SUPT3H: variants seen among roughly 807,000 people sequenced by gnomAD.
The protein encoded by SUPT3H is transcription initiation protein SPT3 homolog.
Under a neutral mutation model 44.3 loss-of-function variants are expected in SUPT3H, and 44 were observed. That is an observed-to-expected ratio of 0.99 (90% confidence interval 0.78 to 1.28). The LOEUF (loss-of-function observed/expected upper bound fraction) is 1.28. SUPT3H is among the 50% of genes most tolerant of loss of function. The pLI, the probability that SUPT3H is intolerant of heterozygous loss-of-function variation, is 0.00. For synonymous variants in SUPT3H, 124 were observed against 125.6 expected (o/e 0.99, Z 0.09); for missense variants, 380 against 387.1 (o/e 0.98, Z 0.15).
chr6:45,028,778 T>A (rs994780123), intron 3 of SUPT3H, among the ~76,000 whole-genome samples: 1 of 151,532 alleles, frequency 6.6e-6, no homozygotes, highest in Non-Finnish European at 1.5e-5. Context: ...GATTTCTTAT[T>A]CAGAATAGAG....
intron 2 of SUPT3H, among the ~76,000 whole-genome samples, chr6:45,148,869 G>T (rs1215366146): frequency 6.6e-6 from 1 of 152,072 alleles, no homozygotes; most frequent in African/African-American, 2.4e-5. Flanking sequence ...ATTCTGAAAT[G>T]CATGCTGACT....
At chr6:45,203,023 A>G (rs1002320275) in intron 2 of SUPT3H, among the ~76,000 whole-genome samples, 5 of 152,174 alleles carry the variant, frequency 3.3e-5, no homozygotes, top group Non-Finnish European at 7.4e-5. Flanking sequence ...GGTAAAGATA[A>G]CATAATCAAG....
At chr6:44,864,707 C>T (rs999579237) in intron 10 of SUPT3H, among the ~76,000 whole-genome samples, 31 of 152,180 alleles carry the variant, frequency 2.0e-4, no homozygotes, top group Admixed American at 1.5e-3. Flanking sequence ...GGCACCAAGT[C>T]CCTAGGCTGC....
At chr6:45,145,303 C>T (rs1033855301) in intron 2 of SUPT3H, among the ~76,000 whole-genome samples, 3 of 152,078 alleles carry the variant, frequency 2.0e-5, no homozygotes, top group African/African-American at 7.2e-5. Context: ...CAACATGGTA[C>T]TGCTATAAAA....
At chr6:45,355,417 AT>A (rs35113845) in intron 2 of SUPT3H, among the ~76,000 whole-genome samples, 22,807 of 152,064 alleles carry the variant, frequency 0.15, 1,955 homozygotes, top group East Asian at 0.26. Flanking sequence ...AAATGTTGAT[AT>A]AACAGTTCCC....
chr6:44,863,956 C>T (rs1454056335), intron 10 of SUPT3H, among the ~76,000 whole-genome samples: 2 of 151,924 alleles, frequency 1.3e-5, no homozygotes, highest in Non-Finnish European at 2.9e-5. Context: ...AATTATCTCC[C>T]ACCGAGTCCC....
At chr6:45,228,859 C>T (rs866794070) in intron 2 of SUPT3H, among the ~76,000 whole-genome samples, 33 of 151,974 alleles carry the variant, frequency 2.2e-4, no homozygotes, top group African/African-American at 5.6e-4. Flanking sequence ...AGGCTGGTCT[C>T]GAACTCCTGA....
intron 3 of SUPT3H, among the ~76,000 whole-genome samples, chr6:45,028,822 C>A (rs565531215): frequency 7.4e-6 from 1 of 134,520 alleles, no homozygotes; most frequent in African/African-American, 2.8e-5. Flanking sequence ...CCTTACATTG[C>A]ATAGAAAAGT....
chr6:44,853,054 TAA>T (rs1773148230), intron 10 of SUPT3H, among the ~76,000 whole-genome samples: 1 of 152,366 alleles, frequency 6.6e-6, no homozygotes, highest in African/African-American at 2.4e-5. Context: ...CTCTAGAGAT[TAA>T]AGAGAAATAA....
chr6:45,282,552 A>G (rs1372800868), intron 2 of SUPT3H, among the ~76,000 whole-genome samples: 1 of 152,206 alleles, frequency 6.6e-6, no homozygotes, highest in Non-Finnish European at 1.5e-5. Flanking sequence ...ATAAAAAGAA[A>G]CAAACAAAGC....
chr6:44,859,712 A>G (rs1473392190), intron 10 of SUPT3H, among the ~76,000 whole-genome samples: 1 of 152,242 alleles, frequency 6.6e-6, no homozygotes, highest in African/African-American at 2.4e-5. Flanking sequence ...GTGAAAAATC[A>G]TAACATTGAA....
chr6:44,903,592 T>C (rs1290380952), intron 10 of SUPT3H, among the ~76,000 whole-genome samples: 3 of 152,208 alleles, frequency 2.0e-5, no homozygotes, highest in African/African-American at 7.2e-5. Context: ...AGCCGAATTC[T>C]ACCAGAGGTA....
intron 2 of SUPT3H, among the ~76,000 whole-genome samples, chr6:45,181,418 T>C (rs1327169945): frequency 1.3e-5 from 2 of 151,990 alleles, no homozygotes; most frequent in African/African-American, 4.8e-5. Flanking sequence ...CATGCACACA[T>C]ATGTTTATTG....
intron 2 of SUPT3H, among the ~76,000 whole-genome samples, chr6:45,175,670 C>A (rs990397208): frequency 6.6e-6 from 1 of 151,780 alleles, no homozygotes; most frequent in Non-Finnish European, 1.5e-5. Context: ...TACATGAATA[C>A]GATACCATGG....
intron 10 of SUPT3H, among the ~76,000 whole-genome samples, chr6:44,890,006 C>A (rs13201202): frequency 0.38 from 55,661 of 145,602 alleles, 12,115 homozygotes; most frequent in Non-Finnish European, 0.47. Flanking sequence ...ACACATGAAA[C>A]AATGCTCACC....
intron 2 of SUPT3H, among the ~76,000 whole-genome samples, chr6:45,109,968 G>C (rs774493401): frequency 2.4e-4 from 36 of 152,054 alleles, no homozygotes; most frequent in Non-Finnish European, 3.8e-4. Flanking sequence ...GACAATACCA[G>C]TACTGCCTGA....
At chr6:45,267,638 T>C (rs1419361517) in intron 2 of SUPT3H, among the ~76,000 whole-genome samples, 1 of 152,206 alleles carries the variant, frequency 6.6e-6, no homozygotes, top group Non-Finnish European at 1.5e-5. Flanking sequence ...GATTACAATA[T>C]ACACCATCTA....
At chr6:44,850,241 T>C (rs566485128) in intron 10 of SUPT3H, among the ~76,000 whole-genome samples, 38 of 152,310 alleles carry the variant, frequency 2.5e-4, no homozygotes, top group African/African-American at 8.7e-4. Flanking sequence ...AATCTCCTTA[T>C]TGAAAAATAA....
chr6:45,108,084 A>G (rs1799524577), intron 2 of SUPT3H, among the ~76,000 whole-genome samples: 3 of 152,240 alleles, frequency 2.0e-5, no homozygotes, highest in African/African-American at 7.2e-5. Context: ...GAAACACTAA[A>G]AACTTTTCCC....
Sources: allele counts gnomAD v4.1 joint callset (sites outside exome capture counted in the v4.1 genomes callset), GRCh38; gene constraint gnomAD v4.1.1; transcripts MANE v1.5; gene names NCBI Gene and HGNC (gene_info 2026-07-23, HGNC 2026-07-21).